PLPP4: variants seen among roughly 807,000 people sequenced by gnomAD.
PLPP4 encodes phospholipid phosphatase 4, also known as diacylglycerol pyrophosphate like 2.
Under a neutral mutation model 32.2 loss-of-function variants are expected in PLPP4, and 20 were observed. The observed-to-expected ratio is 0.62, with a 90% CI of 0.44 to 0.90. PLPP4 has a LOEUF of 0.90. PLPP4 is among the 40% of genes least tolerant of loss of function. The pLI, the probability that PLPP4 is intolerant of heterozygous loss-of-function variation, is 0.00. For synonymous variants in PLPP4, 127 were observed against 133.0 expected (o/e 0.95, Z 0.31); for missense variants, 257 against 353.1 (o/e 0.73, Z 2.18).
chr10:120,537,681 G>C (rs947764037), intron 5 of PLPP4, among the ~76,000 whole-genome samples: 1 of 152,114 alleles, frequency 6.6e-6, no homozygotes, highest in African/African-American at 2.4e-5. Context: ...TAGCTCTTAA[G>C]CATTCTCACC....
intron 5 of PLPP4, among the ~76,000 whole-genome samples, chr10:120,562,245 G>C (rs1206984063): frequency 6.6e-6 from 1 of 151,374 alleles, no homozygotes; most frequent in Non-Finnish European, 1.5e-5. Flanking sequence ...TTATTTTCTG[G>C]TGTCCAGAAA....
chr10:120,574,981 A>G (rs964802868), intron 5 of PLPP4, 150 bp from the exon 6 acceptor site: 1 of 709,706 alleles, frequency 1.4e-6, no homozygotes, highest in Non-Finnish European at 2.4e-6. Flanking sequence ...GCATGGTGCT[A>G]GCAGGAGCAC....
chr10:120,503,685 A>G, intron 1 of PLPP4, 133 bp from the exon 2 acceptor site: 1 of 1,590,182 alleles, frequency 6.3e-7, no homozygotes, highest in Non-Finnish European at 8.6e-7. Flanking sequence ...AACTGACAGC[A>G]GGGCCTGTCT....
chr10:120,474,632 G>T (rs908652518), intron 1 of PLPP4, among the ~76,000 whole-genome samples: 1 of 152,050 alleles, frequency 6.6e-6, no homozygotes, highest in African/African-American at 2.4e-5. Flanking sequence ...CTTTATTTAT[G>T]AAAACCCATG....
rs762632216 is a variant in PLPP4, at chr10:120,589,353, A to G, written c.667A>G (p.Arg223Gly). 6.2e-7 allele frequency: 1 copy of G among 1,614,184 alleles called. No homozygotes were observed. Among genetic ancestry groups the G allele is most frequent in the South Asian group, 1.1e-5 (1 of 91,086 alleles). ...CCTCATTTTTGCATACATTTGCTAC[A>G]GACAGCACTATCCTCCTCTGGCCAA... ...IGLIFAYICY[R>G]QHYPPLANTA... Residue 223 changes from arginine to glycine, a missense_variant, in exon 7 of 7, where the codon AGA becomes GGA. Physicochemically the swap from Arg to Gly is moderately radical, Grantham distance 125. Coordinates refer to ENST00000398250, the MANE Select transcript of PLPP4 (RefSeq NM_001030059.3).
intron 5 of PLPP4, among the ~76,000 whole-genome samples, chr10:120,565,353 T>TGTGTGTGTGC (rs893306051): frequency 7.4e-6 from 1 of 135,022 alleles, no homozygotes; most frequent in African/African-American, 2.6e-5. Context: ...TGTGTGTGTG[T>TGTGTGTGTGC]GTGTGTGTGC....
At chr10:120,460,766 T>A (rs1259832467) in intron 1 of PLPP4, among the ~76,000 whole-genome samples, 1 of 152,196 alleles carries the variant, frequency 6.6e-6, no homozygotes, top group Non-Finnish European at 1.5e-5. Flanking sequence ...CAGGGCTAAC[T>A]TCATGCAAAA....
chr10:120,487,830 G>A (rs1241786518), intron 1 of PLPP4, among the ~76,000 whole-genome samples: 1 of 152,234 alleles, frequency 6.6e-6, no homozygotes, highest in African/African-American at 2.4e-5. Context: ...GATTGCTTTA[G>A]CAGCTAAGCC....
At chr10:120,582,499 C>CTATT (rs1364213467) in intron 6 of PLPP4, among the ~76,000 whole-genome samples, 2 of 152,158 alleles carry the variant, frequency 1.3e-5, no homozygotes, top group African/African-American at 4.8e-5. Context: ...TTGATTACTC[C>CTATT]TGTAAAACCC....
chr10:120,484,268 A>G (rs774283781), intron 1 of PLPP4, among the ~76,000 whole-genome samples: 15 of 152,242 alleles, frequency 9.9e-5, no homozygotes, highest in Non-Finnish European at 2.1e-4. Flanking sequence ...CTAACAGTAT[A>G]TCATTGCAAA....
chr10:120,555,310 G>T (rs1296535734), intron 5 of PLPP4, among the ~76,000 whole-genome samples: 3 of 152,108 alleles, frequency 2.0e-5, no homozygotes, highest in Non-Finnish European at 4.4e-5. Context: ...CTTACAAATG[G>T]TAGGCTGTCC....
chr10:120,476,506 G>T (rs1473314147), intron 1 of PLPP4, among the ~76,000 whole-genome samples: 1 of 152,204 alleles, frequency 6.6e-6, no homozygotes, highest in African/African-American at 2.4e-5. Flanking sequence ...GATGGAATTA[G>T]AGTCCAGGCT....
At chr10:120,525,331 G>A (rs1456555982) in intron 5 of PLPP4, among the ~76,000 whole-genome samples, 1 of 152,230 alleles carries the variant, frequency 6.6e-6, no homozygotes, top group Admixed American at 6.5e-5. Context: ...TTGTGCACAT[G>A]AATGTTTCAA....
intron 1 of PLPP4, among the ~76,000 whole-genome samples, chr10:120,472,726 T>C (rs1269891949): frequency 6.6e-6 from 1 of 152,158 alleles, no homozygotes; most frequent in Non-Finnish European, 1.5e-5. Flanking sequence ...TATACATATA[T>C]ATTAGACAGT....
At position 120,512,464 on chromosome 10, in the gene PLPP4, C is replaced by CT. The variant is rs1321357705; in HGVS notation, c.166-1441dup. On this transcript the variant is annotated intron_variant, in intron 2 of 6. Coordinates refer to ENST00000398250, the MANE Select transcript of PLPP4 (RefSeq NM_001030059.3). ...TAAATGGTAGCAGGTAAGGAGAGGG[C>CT]TTTTTTCATGTCTCATACAAATGGC... 2.6e-5 allele frequency among the ~76,000 whole-genome samples: 4 copies of CT among 152,280 alleles called. No individual in the cohort carries two copies. In the East Asian group the frequency reaches 5.8e-4, roughly 22 times the overall value.
At chr10:120,484,505 A>AG (rs1018804895) in intron 1 of PLPP4, among the ~76,000 whole-genome samples, 3 of 152,166 alleles carry the variant, frequency 2.0e-5, no homozygotes, top group Admixed American at 2.0e-4. Context: ...AGAGGGCAAA[A>AG]GGGGGGTGAA....
At chr10:120,496,450 A>T (rs1165719438) in intron 1 of PLPP4, among the ~76,000 whole-genome samples, 4 of 152,058 alleles carry the variant, frequency 2.6e-5, no homozygotes, top group Non-Finnish European at 5.9e-5. Context: ...CTAGAGGACC[A>T]GGGTCCTCAC....
At chr10:120,466,660 A>G (rs1459291780) in intron 1 of PLPP4, among the ~76,000 whole-genome samples, 1 of 152,160 alleles carries the variant, frequency 6.6e-6, no homozygotes, top group African/African-American at 2.4e-5. Context: ...TGACATTCCC[A>G]GTTTTATAGG....
intron 5 of PLPP4, among the ~76,000 whole-genome samples, chr10:120,574,166 A>ACACACTCT (rs1849088115): frequency 2.1e-5 from 1 of 47,978 alleles, no homozygotes; most frequent in Non-Finnish European, 4.1e-5. Flanking sequence ...ACACACACAC[A>ACACACTCT]CACTCTCTCT....
Sources: gnomAD v4.1 joint callset for allele counts (sites outside exome capture counted in the v4.1 genomes callset) on GRCh38, gnomAD v4.1.1 for gene constraint, MANE v1.5 for transcripts, NCBI Gene and HGNC (gene_info 2026-07-23, HGNC 2026-07-21) for gene names.